TTC22: variants seen among roughly 807,000 people sequenced by gnomAD.
The protein encoded by TTC22 is tetratricopeptide repeat protein 22.
In TTC22, 42 loss-of-function variants were observed where a neutral mutation model predicts 48.2. The ratio of observed to expected loss-of-function variants is 0.87; its 90% CI spans 0.68 to 1.13. The LOEUF is 1.13. Ranked by LOEUF, TTC22 falls within the 50% of genes most tolerant of loss-of-function variation. TTC22 has a pLI of 0.00. For missense variants in TTC22, 784 were observed against 807.0 expected (o/e 0.97, Z 0.34); for synonymous variants, 345 against 365.5 (o/e 0.94, Z 0.64).
intron 1 of TTC22, among the ~76,000 whole-genome samples, chr1:54,795,595 A>G (rs1194551958): frequency 6.6e-6 from 1 of 152,182 alleles, no homozygotes; most frequent in African/African-American, 2.4e-5. Flanking sequence ...GGTCTGCAGA[A>G]GTCTCTTACC....
In TTC22 at chr1:54,785,964, G is replaced by T; in HGVS notation, c.1020+19C>A. On this transcript the variant is annotated intron_variant, in intron 5 of 6. Coordinates refer to ENST00000371276, the MANE Select transcript of TTC22 (RefSeq NM_001114108.2). ...TGATTCCCAATGGCAGGGTATGGTGGGGCAGGAAGTTGACCCACCTTGGCC... is the reference window on the plus strand; with the variant it reads ...TGATTCCCAATGGCAGGGTATGGTGTGGCAGGAAGTTGACCCACCTTGGCC... 6.2e-7 allele frequency: 1 copy of T among 1,606,268 alleles called. No homozygotes were observed. Among genetic ancestry groups the T allele is most frequent in the South Asian group, 1.1e-5 (1 of 90,288 alleles).
rs148153278 is a variant in TTC22, at chr1:54,795,229, C to A, written c.567+5368G>T. On this transcript the variant is annotated intron_variant, in intron 1 of 6. Transcript: ENST00000371276. ...CTTCTACATCTGCAAACAGGGGTGA[C>A]CCCATGTGGCCTGCCTGCATCATAG... 4.6e-3 allele frequency among the ~76,000 whole-genome samples: 706 copies of A among 152,342 alleles called. 8 individuals are homozygous for A. Among genetic ancestry groups the A allele is most frequent in the African/African-American group, 0.016 (662 of 41,576 alleles).
chr1:54,784,836 G>A lies in TTC22; in HGVS notation c.1020+1147C>T, dbSNP rs778485777. ...CGGCTTCCTCAAGCACATGGGCTCT[G>A]TGTGGGCTCTAGGAGGCAGGTCTGG... On this transcript the variant is annotated intron_variant, in intron 5 of 6. Transcript: ENST00000371276. The A allele has an allele frequency of 2.3e-6, 3 of 1,296,214 alleles. No individual in the cohort carries two copies. In the South Asian group the frequency reaches 3.8e-5, roughly 16 times the overall value. 80.3% of individuals were successfully genotyped at this position (1,296,214 alleles called of 1,614,324 possible). A position where few individuals can be genotyped will look rare whatever the true frequency, so the allele number is the denominator to read the frequency against.
At chr1:54,784,285 C>CT (rs1646283829) in intron 5 of TTC22, among the ~76,000 whole-genome samples, 1 of 152,212 alleles carries the variant, frequency 6.6e-6, no homozygotes, top group African/African-American at 2.4e-5. Flanking sequence ...TTCCCTCCTC[C>CT]TCCCATCTCT....
intron 1 of TTC22, among the ~76,000 whole-genome samples, chr1:54,788,792 G>A (rs983201485): frequency 6.6e-6 from 1 of 152,146 alleles, no homozygotes; most frequent in African/African-American, 2.4e-5. Flanking sequence ...CAGCTGTGGG[G>A]GAGGGGGACC....
intron 1 of TTC22, among the ~76,000 whole-genome samples, chr1:54,797,352 AT>A (rs1646400163): frequency 6.6e-6 from 1 of 152,166 alleles, no homozygotes; most frequent in Non-Finnish European, 1.5e-5. Context: ...GCCTCCTCAT[AT>A]TTTTTGTAAT....
Position 54,781,502 on chromosome 1 carries a change from C to T in TTC22, c.1451G>A (p.Ser484Asn). 6.7e-7 allele frequency: 1 copy of T among 1,500,742 alleles called. No homozygotes were observed. Among genetic ancestry groups the T allele is most frequent in the Non-Finnish European group, 8.8e-7 (1 of 1,132,746 alleles). 93.0% of individuals were successfully genotyped at this position (1,500,742 alleles called of 1,614,324 possible). ...CTCCCCGTCGCTCAGCTGTGCCTGG[C>T]TCCACTGCGCCAGCAGCGCCTCGAG... Reference protein sequence around the residue: ...CLLEALLAQWSQAQLSDGELG... With the variant: ...CLLEALLAQWNQAQLSDGELG... The change falls in exon 7 of 7, where the codon AGC (serine) becomes AAC (asparagine). Residue 484 changes from serine to asparagine, a missense_variant. Ser to Asn is a conservative substitution (Grantham distance 46). Coordinates refer to ENST00000371276, the MANE Select transcript of TTC22 (RefSeq NM_001114108.2).
intron 1 of TTC22, among the ~76,000 whole-genome samples, chr1:54,796,564 G>T (rs1341344154): frequency 2.0e-5 from 3 of 152,248 alleles, no homozygotes; most frequent in Non-Finnish European, 2.9e-5. Context: ...ACACCATTGC[G>T]GGTGTGGTTC....
At chr1:54,793,414 G>T (rs1017177505) in intron 1 of TTC22, among the ~76,000 whole-genome samples, 4 of 152,138 alleles carry the variant, frequency 2.6e-5, no homozygotes, top group Admixed American at 1.3e-4. Context: ...AGAAGCAGAG[G>T]TTGCCTACTT....
At chr1:54,800,555 A>G (rs1310322410) in intron 1 of TTC22, 42 bp downstream of exon 1, 2 of 1,381,724 alleles carry the variant, frequency 1.4e-6, no homozygotes, top group Non-Finnish European at 1.9e-6. Context: ...TGGGAGGACC[A>G]CAGTCCTCCC....
chr1:54,799,127 C>T (rs779252637), intron 1 of TTC22, among the ~76,000 whole-genome samples: 8 of 152,346 alleles, frequency 5.3e-5, no homozygotes, highest in Middle Eastern at 3.4e-3. Context: ...ACCACAGCTG[C>T]TCTGTGCAGA....
At chr1:54,785,187 C>T (rs1210564486) in intron 5 of TTC22, 1 of 196,648 alleles carries the variant, frequency 5.1e-6, no homozygotes, top group East Asian at 1.7e-4. Context: ...GTGTTCAGAG[C>T]CAGAGCTCTG....
At position 54,800,464 on chromosome 1, in the gene TTC22, G is replaced by GA. The variant is rs1274006411; in HGVS notation, c.567+132dup. ...TGGGGCAGGCGGGGGATGCACATTG[G>GA]AAAGGCATTTGGGAGGCCAAAAGAC... On this transcript the variant is annotated intron_variant, in intron 1 of 6. Transcript: ENST00000371276. The GA allele has an allele frequency of 3.7e-6, 3 of 818,166 alleles. No homozygotes were observed. In the African/African-American group the frequency reaches 5.5e-5, roughly 15 times the overall value. The allele number at this position is 818,166 out of a possible 1,614,324, so 50.7% of individuals were successfully genotyped here. A position where few individuals can be genotyped will look rare whatever the true frequency, so the allele number is the denominator to read the frequency against.
chr1:54,792,582 T>G (rs1646360227), intron 1 of TTC22, among the ~76,000 whole-genome samples: 1 of 152,162 alleles, frequency 6.6e-6, no homozygotes, highest in Non-Finnish European at 1.5e-5. Context: ...TACAGGCATG[T>G]GCCACCACAC....
At chr1:54,787,933 C>T in intron 2 of TTC22, 107 bp from the exon 3 acceptor site, 1 of 1,480,346 alleles carries the variant, frequency 6.8e-7, no homozygotes, top group Non-Finnish European at 9.4e-7. Flanking sequence ...TTTGGGGAGC[C>T]CTTTCCAGTA....
At chr1:54,787,894 C>T in intron 2 of TTC22, 68 bp from the exon 3 acceptor site, 1 of 1,506,230 alleles carries the variant, frequency 6.6e-7, no homozygotes, top group Non-Finnish European at 9.1e-7. Flanking sequence ...GCCAGCCCTG[C>T]CCAGGCCTGT....
At chr1:54,799,648 G>A (rs558689855) in intron 1 of TTC22, among the ~76,000 whole-genome samples, 1 of 152,230 alleles carries the variant, frequency 6.6e-6, no homozygotes, top group South Asian at 2.1e-4. Context: ...TGGCATTCAG[G>A]GCCACAGGCT....
At chr1:54,797,656 T>C (rs985304536) in intron 1 of TTC22, among the ~76,000 whole-genome samples, 9 of 151,974 alleles carry the variant, frequency 5.9e-5, no homozygotes, top group African/African-American at 2.2e-4. Context: ...AAAGAAATGG[T>C]AGGGAATGAA....
At position 54,801,046 on chromosome 1, in the gene TTC22, G is replaced by A. The variant is rs764290079; in HGVS notation, c.118C>T (p.Pro40Ser). Reference sequence around the variant, plus strand: ...AGCTTCAGGTCCCGGGCGCGCTGTGGGGCCGGCGAGCGCGGCTCGAAGTTC... The same window carrying A: ...AGCTTCAGGTCCCGGGCGCGCTGTGAGGCCGGCGAGCGCGGCTCGAAGTTC... ...QLNFEPRSPAPQRARDLKLQR... is the reference protein window; with the variant it reads ...QLNFEPRSPASQRARDLKLQR... The change falls in exon 1 of 7, where the codon CCA becomes TCA. Residue 40 changes from proline (P) to serine (S), a missense_variant. By Grantham distance (74) the Pro-to-Ser change is moderately conservative (BLOSUM62 -1). Transcript: ENST00000371276. The A allele has an allele frequency of 3.3e-5, 53 of 1,611,898 alleles. No individual in the cohort carries two copies. Among genetic ancestry groups the A allele is most frequent in the Non-Finnish European group, 4.4e-5 (52 of 1,179,628 alleles).
Sources: allele counts gnomAD v4.1 joint callset (sites outside exome capture counted in the v4.1 genomes callset), GRCh38; gene constraint gnomAD v4.1.1; transcripts MANE v1.5; gene names NCBI Gene and HGNC (gene_info 2026-07-23, HGNC 2026-07-21).